The following ATP10A variants were observed in gnomAD, a reference collection of about 807,000 sequenced individuals.
The protein encoded by ATP10A is phospholipid-transporting ATPase VA.
A neutral mutation model predicts 147.8 loss-of-function variants in ATP10A; 111 were observed. The ratio of observed to expected loss-of-function variants is 0.75; its 90% confidence interval spans 0.64 to 0.88. The LOEUF (loss-of-function observed/expected upper bound fraction) is 0.88. Ranked by LOEUF, ATP10A falls within the 40% of genes least tolerant of loss-of-function variation. ATP10A has a pLI of 0.00. For missense variants in ATP10A, 1,927 were observed against 1,959.0 expected (o/e 0.98, Z 0.31); for synonymous variants, 875 against 841.6 (o/e 1.04, Z -0.69).
At chr15:25,839,542 C>A (rs1211801393) in intron 1 of ATP10A, among the ~76,000 whole-genome samples, 1 of 152,136 alleles carries the variant, frequency 6.6e-6, no homozygotes, top group Non-Finnish European at 1.5e-5. Context: ...CTTAGCAAGG[C>A]GGCAGGCTCG....
At position 25,706,737 on chromosome 15, in the gene ATP10A, A is replaced by G. The variant is rs116226137; in HGVS notation, c.2575+1239T>C. ...ACTGTGAAATGGCACCGGAGGGCCA[A>G]TTTCACTCCATTTGAGAAGTTAGTG... On this transcript the variant is annotated intron_variant, in intron 12 of 20. Coordinates refer to ENST00000555815, the MANE Select transcript of ATP10A (RefSeq NM_024490.4). 4.6e-3 allele frequency among the ~76,000 whole-genome samples: 705 copies of G among 152,328 alleles called. 9 individuals carry two copies. The highest frequency in any genetic ancestry group is 0.016 in the African/African-American group (676 of 41,566).
chr15:25,788,441 C>T (rs1049629793), intron 1 of ATP10A, among the ~76,000 whole-genome samples: 5 of 152,232 alleles, frequency 3.3e-5, no homozygotes, highest in Non-Finnish European at 7.3e-5. Context: ...CCCCGTAGCC[C>T]TCTGCTCCCG....
At chr15:25,819,983 TGGTAGATACATTAAAA>T (rs1891812239) in intron 1 of ATP10A, among the ~76,000 whole-genome samples, 1 of 152,134 alleles carries the variant, frequency 6.6e-6, no homozygotes, top group Non-Finnish European at 1.5e-5. Flanking sequence ...TATATACATG[TGGTAGATACATTAAAA>T]GCCCAGGCTT....
rs201206599 is a variant in ATP10A, at chr15:25,721,819, C to T, written c.1201G>A (p.Glu401Lys). 22 of 1,614,144 alleles carry T rather than the reference C, an allele frequency of 1.4e-5. No individual in the cohort carries two copies. Among genetic ancestry groups the T allele is most frequent in the Middle Eastern group, 1.6e-4 (1 of 6,062 alleles). ...CACTGCAGCTGCGAGTCTGTTTCTT[C>T]GTCATACAACTGCATGTCCTGGTTA... ...FINQDMQLYDEETDSQLQCRA... is the reference protein window; with the variant it reads ...FINQDMQLYDKETDSQLQCRA... Residue 401 changes from glutamate to lysine, a missense_variant, in exon 7 of 21, where the codon GAA becomes AAA. By Grantham distance (56) the Glu-to-Lys change is moderately conservative (BLOSUM62 1). Transcript: ENST00000555815.
At chr15:25,800,699 C>T (rs1413942975) in intron 1 of ATP10A, among the ~76,000 whole-genome samples, 1 of 152,172 alleles carries the variant, frequency 6.6e-6, no homozygotes, top group Non-Finnish European at 1.5e-5. Context: ...GCAAACTCAG[C>T]TTAGCTTTGT....
rs748401822 is a variant in ATP10A at position 25,680,277 on chromosome 15, C to A, written c.3710G>T (p.Ser1237Ile). 3.1e-6 allele frequency: 5 copies of A among 1,614,106 alleles called. No homozygotes were observed. The African/African-American group carries it at 6.7e-5, about 22-fold the overall frequency. ...TWLNWITCGF[S>I]VLLFFTVALI... is the part of the protein sequence containing the mutation. Reference sequence around the variant, plus strand: ...AGCCACGGTGAAAAACAAAAGGACACTGAAGCCACACGTTATCCAGTTGAG... The same window carrying A: ...AGCCACGGTGAAAAACAAAAGGACAATGAAGCCACACGTTATCCAGTTGAG... Residue 1237 changes from serine to isoleucine, a missense_variant, in exon 20 of 21, where the codon AGT becomes ATT. Ser to Ile is a moderately radical substitution (Grantham distance 142, BLOSUM62 -2). Coordinates refer to ENST00000555815, the MANE Select transcript of ATP10A (RefSeq NM_024490.4).
At chr15:25,737,678 A>T (rs1887361162) in intron 2 of ATP10A, among the ~76,000 whole-genome samples, 1 of 152,148 alleles carries the variant, frequency 6.6e-6, no homozygotes, top group Non-Finnish European at 1.5e-5. Flanking sequence ...GGAGCCCCTC[A>T]TCCGCCGCTA....
At chr15:25,862,193 C>T in intron 1 of ATP10A, 2 of 455,508 alleles carry the variant, frequency 4.4e-6, no homozygotes, top group South Asian at 1.6e-5. Flanking sequence ...TGCTGCTGTC[C>T]TGAGCCGAGC....
At chr15:25,786,792 GTT>G (rs60057456) in intron 1 of ATP10A, among the ~76,000 whole-genome samples, 7 of 135,284 alleles carry the variant, frequency 5.2e-5, no homozygotes, top group East Asian at 2.2e-4. Context: ...TGCCCAGCTA[GTT>G]TTTTTTTTTT....
chr15:25,855,992 T>C (rs747580081), intron 1 of ATP10A, among the ~76,000 whole-genome samples: 2 of 152,230 alleles, frequency 1.3e-5, no homozygotes, highest in African/African-American at 2.4e-5. Flanking sequence ...AAAATTATAG[T>C]GCAGTTAAAT....
At chr15:25,826,553 CT>C (rs1430757843) in intron 1 of ATP10A, among the ~76,000 whole-genome samples, 1 of 152,182 alleles carries the variant, frequency 6.6e-6, no homozygotes, top group African/African-American at 2.4e-5. Context: ...CAGAGCCAGA[CT>C]TTGTCTCAAA....
chr15:25,718,051 G>A, intron 8 of ATP10A, 131 bp downstream of exon 8: 1 of 949,426 alleles, frequency 1.1e-6, no homozygotes, highest in South Asian at 1.6e-5. Flanking sequence ...AAAAGCTTCT[G>A]CTGAGTAGAG....
Position 25,679,440 on chromosome 15 carries a change from C to T in ATP10A, c.4401G>A (p.Ala1467=), listed in dbSNP as rs370512038. Residue 1467 remains alanine (A), a synonymous_variant, in exon 21 of 21, where the codon GCG becomes GCA. Transcript: ENST00000555815. The part of the protein sequence containing the change: ...SRTEQLADGQ[A]GRGLPVQPHS... Reference sequence around the variant, plus strand: ...GGGGCTGGACAGGAAGTCCACGTCCCGCTTGTCCATCTGCAAGCTGCTCCG... The same window carrying T: ...GGGGCTGGACAGGAAGTCCACGTCCTGCTTGTCCATCTGCAAGCTGCTCCG... 6.8e-5 allele frequency: 109 copies of T among 1,614,002 alleles called. No individual in the cohort carries two copies. The highest frequency in any genetic ancestry group is 2.0e-4 in the Admixed American group (12 of 60,018).
In ATP10A at chr15:25,792,873, C is replaced by CTT. The variant is rs56011953; in HGVS notation, c.450-11652_450-11651dup. ...TTACAAAAAGTTGCTCCTTTTCAAT[C>CTT]TTTTTTTTTTTTTTGAGATGGAGTT... On this transcript the variant is annotated intron_variant, in intron 1 of 20. Transcript: ENST00000555815. 4.1e-3 allele frequency among the ~76,000 whole-genome samples: 552 copies of CTT among 134,198 alleles called. 18 individuals are homozygous for CTT. The highest frequency in any genetic ancestry group is 0.015 in the African/African-American group (509 of 34,756). 88.0% of individuals were successfully genotyped at this position (134,198 alleles called of 152,430 possible).
intron 1 of ATP10A, among the ~76,000 whole-genome samples, chr15:25,821,143 C>CA (rs1307095087): frequency 6.6e-6 from 1 of 152,186 alleles, no homozygotes; most frequent in Non-Finnish European, 1.5e-5. Context: ...CTCATGCCTA[C>CA]AATCCCAGCG....
At chr15:25,772,268 T>C (rs1447147634) in intron 2 of ATP10A, among the ~76,000 whole-genome samples, 1 of 152,048 alleles carries the variant, frequency 6.6e-6, no homozygotes, top group Non-Finnish European at 1.5e-5. Flanking sequence ...GCAGAAAAGG[T>C]AGGGCTCTCT....
At chr15:25,751,426 A>T (rs1489619021) in intron 2 of ATP10A, among the ~76,000 whole-genome samples, 1 of 152,180 alleles carries the variant, frequency 6.6e-6, no homozygotes, top group East Asian at 1.9e-4. Context: ...CCTGTTTGAC[A>T]TCTATAAAAT....
At chr15:25,708,939 C>G (rs972483106) in intron 10 of ATP10A, 2 of 152,722 alleles carry the variant, frequency 1.3e-5, no homozygotes, top group African/African-American at 4.8e-5. Flanking sequence ...TCTGGCAACA[C>G]TACTGACCAG....
At chr15:25,672,362 C>T (rs902013113), downstream of ATP10A, among the ~76,000 whole-genome samples, 4 of 152,172 alleles carry the variant, frequency 2.6e-5, no homozygotes, top group African/African-American at 9.7e-5. Flanking sequence ...TATGTAGAGT[C>T]CATATTTTTG....
Sources: gnomAD v4.1 joint callset for allele counts (sites outside exome capture counted in the v4.1 genomes callset) on GRCh38, gnomAD v4.1.1 for gene constraint, MANE v1.5 for transcripts, NCBI Gene and HGNC (gene_info 2026-07-23, HGNC 2026-07-21) for gene names.